IGF1R: variants seen among roughly 807,000 people sequenced by gnomAD.
IGF1R encodes insulin like growth factor 1 receptor.
Under a neutral mutation model 144.6 loss-of-function variants are expected in IGF1R, and 44 were observed. That is an observed-to-expected ratio of 0.30 (90% CI 0.24 to 0.39). The LOEUF (loss-of-function observed/expected upper bound fraction) is 0.39, where lower values mean the gene tolerates loss of function less well. Ranked by LOEUF, IGF1R falls within the 10% of genes least tolerant of loss-of-function variation. The pLI, the probability that IGF1R is intolerant of heterozygous loss-of-function variation, is 1.00. For missense variants in IGF1R, 1,355 were observed against 1,833.7 expected, an observed-to-expected ratio of 0.74 and a Z score of 4.77; for synonymous variants, 795 against 722.8, an observed-to-expected ratio of 1.10 and a Z score of -1.60.
At chr15:98,805,191 G>A (rs1405369039) in intron 2 of IGF1R, among the ~76,000 whole-genome samples, 1 of 152,160 alleles carries the variant, frequency 6.6e-6, no homozygotes, top group Admixed American at 6.5e-5. Flanking sequence ...TTATATACAT[G>A]CAGGTGCGAT....
chr15:98,896,533 G>C lies in IGF1R; in HGVS notation c.954-224G>C, dbSNP rs41450052. On this transcript the variant is annotated intron_variant, in intron 3 of 20. Coordinates refer to ENST00000650285, the MANE Select transcript of IGF1R (RefSeq NM_000875.5). Reference sequence around the variant, plus strand: ...TATTTTGTCTGGAAGCAAGCAACACGCTCTTCCTTTGTAGGCTGTTTCTCC... The same window carrying C: ...TATTTTGTCTGGAAGCAAGCAACACCCTCTTCCTTTGTAGGCTGTTTCTCC... 8.2e-3 allele frequency among the ~76,000 whole-genome samples: 1,242 copies of C among 152,306 alleles called. 13 individuals are homozygous for C. Among genetic ancestry groups the C allele is most frequent in the African/African-American group, 0.029 (1,194 of 41,558 alleles).
chr15:98,932,726 A>T (rs1445382360), intron 15 of IGF1R, among the ~76,000 whole-genome samples: 2 of 151,876 alleles, frequency 1.3e-5, no homozygotes, highest in Non-Finnish European at 2.9e-5. Context: ...TCTGACAAGC[A>T]CCCGCCTCTT....
intron 2 of IGF1R, among the ~76,000 whole-genome samples, chr15:98,709,111 A>G (rs2053934308): frequency 6.6e-6 from 1 of 152,236 alleles, no homozygotes; most frequent in Admixed American, 6.5e-5. Context: ...AGCTATAAAT[A>G]GCTATTATTT....
intron 5 of IGF1R, among the ~76,000 whole-genome samples, chr15:98,902,130 A>G (rs1410275925): frequency 6.6e-6 from 1 of 152,062 alleles, no homozygotes; most frequent in Non-Finnish European, 1.5e-5. Flanking sequence ...GGGTGGGGGC[A>G]GGGGTGGAGT....
Position 98,891,277 on chromosome 15 carries a change from G to A in IGF1R, c.641-48G>A, listed in dbSNP as rs994168409. On this transcript the variant is annotated intron_variant, in intron 2 of 20. Transcript: ENST00000650285. This position sits in a 1 kb window ranked among gnomAD's most constrained non-coding sequence, Gnocchi z 4.7. Reference sequence around the variant, plus strand: ...ATGCTGGCCAGGCCCAGAGAAGGCGGTGCCTCCCCTGCCCGGTCTCATCTC... The same window carrying A: ...ATGCTGGCCAGGCCCAGAGAAGGCGATGCCTCCCCTGCCCGGTCTCATCTC... The A allele has an allele frequency of 3.8e-6, 6 of 1,567,430 alleles. No homozygotes were observed. In the African/African-American group the frequency reaches 4.0e-5, roughly 11 times the overall value.
chr15:98,935,207 C>A lies in IGF1R; in HGVS notation c.3187-109C>A, dbSNP rs45604432. 1.7e-4 allele frequency: 166 copies of A among 974,096 alleles called. No individual in the cohort carries two copies. The African/African-American group carries it at 2.3e-3, about 13-fold the overall frequency. 60.3% of individuals were successfully genotyped at this position (974,096 alleles called of 1,614,324 possible). On this transcript the variant is annotated intron_variant, in intron 16 of 20. Transcript: ENST00000650285. The surrounding 1 kb of genome is among the most constrained non-coding windows in gnomAD (Gnocchi z 4.2). ...CCATTACCTCACTGCTACCTTCAGA[C>A]CCCTGTGCTCAGACCAGGCCGCAGC...
chr15:98,818,753 CCTA>C (rs1213713323), intron 2 of IGF1R, among the ~76,000 whole-genome samples: 2 of 151,316 alleles, frequency 1.3e-5, no homozygotes, highest in Admixed American at 6.6e-5. Flanking sequence ...CACCCCGCCC[CCTA>C]GTCATGACAA....
intron 2 of IGF1R, among the ~76,000 whole-genome samples, chr15:98,887,563 A>G (rs1452656098): frequency 6.6e-6 from 1 of 152,180 alleles, no homozygotes; most frequent in Non-Finnish European, 1.5e-5. Context: ...TCTGATGATG[A>G]TGGTAAGATT....
chr15:98,726,937 T>A (rs2054376259), intron 2 of IGF1R, among the ~76,000 whole-genome samples: 1 of 151,976 alleles, frequency 6.6e-6, no homozygotes, highest in African/African-American at 2.4e-5. Context: ...GCCAGGCAGG[T>A]CTCGAACTCC....
At chr15:98,870,232 A>T (rs2012711524) in intron 2 of IGF1R, among the ~76,000 whole-genome samples, 1 of 152,240 alleles carries the variant, frequency 6.6e-6, no homozygotes, top group South Asian at 2.1e-4. Flanking sequence ...GCACAACTGA[A>T]GTTGTACCTA....
At chr15:98,785,988 G>A (rs973951210) in intron 2 of IGF1R, among the ~76,000 whole-genome samples, 1 of 152,198 alleles carries the variant, frequency 6.6e-6, no homozygotes, top group African/African-American at 2.4e-5. Flanking sequence ...TGGTCCCAGC[G>A]CTCAGCCTTT....
intron 1 of IGF1R, among the ~76,000 whole-genome samples, chr15:98,661,084 AGAGATGGAGATTTGAGG>A (rs2052587983): frequency 1.4e-5 from 1 of 69,436 alleles, no homozygotes; most frequent in South Asian, 4.8e-4. Flanking sequence ...AGGCAGAGAG[AGAGATGGAGATTTGAGG>A]GAGATGTGGT....
intron 14 of IGF1R, 30 bp downstream of exon 14, chr15:98,929,690 C>T (rs1047576178): frequency 7.0e-7 from 1 of 1,425,230 alleles, no homozygotes; most frequent in Non-Finnish European, 9.9e-7. Context: ...ATGACACTTT[C>T]TGTGGCTGAG....
rs199547403 is a variant in IGF1R at position 98,748,526 on chromosome 15, AG to A, written c.640+40420del. ...TCTTTACTCATTAGGTGCATTCTTT[AG>A]CAATTATGTGTAAAGTGGAAATGAG... is the stretch of plus-strand genomic sequence containing the variant. On this transcript the variant is annotated intron_variant, in intron 2 of 20. Transcript: ENST00000650285. Among the ~76,000 whole-genome samples, 890 of 152,298 alleles carry A rather than the reference AG, an allele frequency of 5.8e-3. 7 individuals carry two copies. The highest frequency in any genetic ancestry group is 0.02 in the African/African-American group (845 of 41,548).
rs555502273 is a variant in IGF1R at position 98,798,342 on chromosome 15, C to T, written c.640+90235C>T. Among the ~76,000 whole-genome samples, 6 of 152,176 alleles carry T rather than the reference C, an allele frequency of 3.9e-5. No homozygotes were observed. In the East Asian group the frequency reaches 7.7e-4, roughly 20 times the overall value. ...GGCGAGGAGCTTGGAGAGCTTGGTG[C>T]ATCTTGGTGGGGGATGGGGTAAACT... On this transcript the variant is annotated intron_variant, in intron 2 of 20. Transcript: ENST00000650285.
At chr15:98,785,846 T>C (rs2055980529) in intron 2 of IGF1R, among the ~76,000 whole-genome samples, 2 of 152,154 alleles carry the variant, frequency 1.3e-5, no homozygotes. Context: ...AGCATCTGTA[T>C]TGTAAATCAG....
intron 13 of IGF1R, among the ~76,000 whole-genome samples, chr15:98,925,864 C>G (rs1009292533): frequency 6.6e-6 from 1 of 152,148 alleles, no homozygotes; most frequent in African/African-American, 2.4e-5. Flanking sequence ...AGATATGTCA[C>G]TGCACTCCAG....
chr15:98,889,190 C>T lies in IGF1R; in HGVS notation c.641-2135C>T, dbSNP rs553215520. Among the ~76,000 whole-genome samples the T allele has an allele frequency of 7.9e-4, 120 of 152,304 alleles. 1 individual carries two copies. The highest frequency in any genetic ancestry group is 1.5e-3 in the Non-Finnish European group (103 of 68,018). ...AGAAGAATAAATAATGGAAGGCAAC[C>T]TGTTGTTTCTGTCAAAGGATGACTT... On this transcript the variant is annotated intron_variant, in intron 2 of 20. Coordinates refer to ENST00000650285, the MANE Select transcript of IGF1R (RefSeq NM_000875.5).
intron 2 of IGF1R, among the ~76,000 whole-genome samples, chr15:98,797,711 C>T (rs1045530071): frequency 6.6e-6 from 1 of 152,172 alleles, no homozygotes; most frequent in Non-Finnish European, 1.5e-5. Context: ...TCAACAAATA[C>T]GGACTGAGCA....
Sources: gnomAD v4.1 joint callset for allele counts (sites outside exome capture counted in the v4.1 genomes callset) on GRCh38, gnomAD v4.1.1 for gene constraint, Gnocchi (gnomAD v3.1) non-coding constraint, MANE v1.5 for transcripts, NCBI Gene and HGNC (gene_info 2026-07-23, HGNC 2026-07-21) for gene names.